Variants in PIP5K1B observed in about 807,000 individuals in gnomAD.
The protein encoded by PIP5K1B is phosphatidylinositol-4-phosphate 5-kinase type 1 beta, also known as phosphatidylinositol 4-phosphate 5-kinase type-1 beta.
In PIP5K1B, 42 loss-of-function variants were observed where a neutral mutation model predicts 67.0. That is an observed-to-expected ratio of 0.63 (90% CI 0.49 to 0.81). The LOEUF is 0.81. PIP5K1B is among the 30% of genes least tolerant of loss of function. PIP5K1B has a pLI of 0.00. For missense variants in PIP5K1B, 459 were observed against 646.3 expected (o/e 0.71, Z 3.14); for synonymous variants, 214 against 231.4 (o/e 0.92, Z 0.68).
intron 2 of PIP5K1B, among the ~76,000 whole-genome samples, chr9:68,760,253 C>A (rs1336491): frequency 1 from 151,545 of 152,196 alleles, 75,450 homozygotes; most frequent in Middle Eastern, 1. Flanking sequence ...AAATCAATAA[C>A]AACTACTCTA....
chr9:68,831,310 A>G (rs1012672668), intron 4 of PIP5K1B, among the ~76,000 whole-genome samples: 5 of 152,268 alleles, frequency 3.3e-5, no homozygotes, highest in African/African-American at 7.2e-5. Context: ...TAGAGTTAAC[A>G]TAAGTGCTTA....
Position 68,822,773 on chromosome 9 carries a change from T to C in PIP5K1B, c.69+90T>C, listed in dbSNP as rs1833794773. ...AAAGGCCTTTCCTTCTCCCAAGCAG[T>C]TGTAAGTTACTATCTTAGTTTCCAG... On this transcript the variant is annotated intron_variant, in intron 4 of 15. Coordinates refer to ENST00000265382, the MANE Select transcript of PIP5K1B (RefSeq NM_003558.4). 1.0e-5 allele frequency: 9 copies of C among 890,264 alleles called. No homozygotes were observed. The South Asian group carries it at 1.2e-4, about 12-fold the overall frequency. The allele number at this position is 890,264 out of a possible 1,614,324, so 55.1% of individuals were successfully genotyped here.
chr9:68,945,874 G>A (rs918738601), intron 14 of PIP5K1B, among the ~76,000 whole-genome samples: 4 of 152,148 alleles, frequency 2.6e-5, no homozygotes, highest in African/African-American at 9.7e-5. Flanking sequence ...ACAAGTTCTC[G>A]TCTTCATCTT....
At chr9:68,711,932 C>A (rs538845393) in intron 1 of PIP5K1B, among the ~76,000 whole-genome samples, 3 of 152,178 alleles carry the variant, frequency 2.0e-5, no homozygotes, top group African/African-American at 4.8e-5. Flanking sequence ...CTCCTCCTGG[C>A]GACTTTTCTG....
chr9:68,996,665 C>T (rs991864867), intron 15 of PIP5K1B, among the ~76,000 whole-genome samples: 5 of 152,292 alleles, frequency 3.3e-5, no homozygotes, highest in African/African-American at 7.2e-5. Context: ...GTTTCTAAGG[C>T]GGCTTCTTTG....
chr9:68,970,569 C>A (rs1829305469), intron 14 of PIP5K1B, among the ~76,000 whole-genome samples: 1 of 152,224 alleles, frequency 6.6e-6, no homozygotes, highest in Non-Finnish European at 1.5e-5. Flanking sequence ...CAACTGTGAA[C>A]TTTATTCCCT....
At chr9:68,979,982 G>A (rs973529316) in intron 14 of PIP5K1B, among the ~76,000 whole-genome samples, 1 of 152,232 alleles carries the variant, frequency 6.6e-6, no homozygotes, top group African/African-American at 2.4e-5. Context: ...TCTGGGTGCA[G>A]TGACTGTGGT....
intron 4 of PIP5K1B, among the ~76,000 whole-genome samples, chr9:68,836,399 A>G (rs908899770): frequency 6.6e-6 from 1 of 152,210 alleles, no homozygotes; most frequent in Non-Finnish European, 1.5e-5. Flanking sequence ...TTCATTTGAG[A>G]ACAAAATCAA....
chr9:68,891,442 G>GTT (rs1169735410), intron 7 of PIP5K1B, among the ~76,000 whole-genome samples: 8 of 144,462 alleles, frequency 5.5e-5, no homozygotes, highest in Non-Finnish European at 1.5e-5. Flanking sequence ...TGGCAGGGGA[G>GTT]TTTTTTTTTT....
chr9:68,910,334 G>A (rs1825793953), intron 8 of PIP5K1B, among the ~76,000 whole-genome samples: 1 of 152,178 alleles, frequency 6.6e-6, no homozygotes. Flanking sequence ...TGAAAGCACT[G>A]TAGGCTTTTA....
intron 2 of PIP5K1B, among the ~76,000 whole-genome samples, chr9:68,779,421 C>CATCCT (rs1272014343): frequency 1.3e-5 from 2 of 152,180 alleles, no homozygotes; most frequent in African/African-American, 4.8e-5. Flanking sequence ...TGCAAATGAC[C>CATCCT]ATCCTCTCTG....
intron 14 of PIP5K1B, among the ~76,000 whole-genome samples, chr9:68,980,124 G>C (rs117696886): frequency 6.6e-6 from 1 of 152,316 alleles, no homozygotes; most frequent in Non-Finnish European, 1.5e-5. Context: ...CGCTGATACT[G>C]TCCAGGCTGC....
At chr9:68,971,782 A>G (rs542955652) in intron 14 of PIP5K1B, among the ~76,000 whole-genome samples, 134 of 152,300 alleles carry the variant, frequency 8.8e-4, no homozygotes, top group Admixed American at 6.5e-4. Flanking sequence ...GGCTGCATAA[A>G]TGTCTTCTTT....
intron 1 of PIP5K1B, among the ~76,000 whole-genome samples, chr9:68,711,468 G>T (rs1405014246): frequency 6.6e-6 from 1 of 152,162 alleles, no homozygotes; most frequent in Non-Finnish European, 1.5e-5. Flanking sequence ...ATTTATATTT[G>T]TATTCTTGGA....
At chr9:68,767,688 G>C (rs960111902) in intron 2 of PIP5K1B, among the ~76,000 whole-genome samples, 3 of 151,670 alleles carry the variant, frequency 2.0e-5, no homozygotes, top group Non-Finnish European at 4.4e-5. Context: ...TTTAAGCTTG[G>C]CTCAATAATG....
At chr9:68,940,145 T>C (rs2132634207) in intron 13 of PIP5K1B, among the ~76,000 whole-genome samples, 1 of 152,294 alleles carries the variant, frequency 6.6e-6, no homozygotes, top group East Asian at 1.9e-4. Context: ...TGGGCTCAGA[T>C]GGGGTTAAGG....
In PIP5K1B at chr9:68,724,246, T is replaced by G. The variant is rs531150117; in HGVS notation, c.-242-18255T>G. ...TCTGTGTTTTTTTTGGGTTTTTTTT[T>G]TTTTGTTTTTTGTTTTAGCCAGTAC... On this transcript the variant is annotated intron_variant, in intron 1 of 15. Coordinates refer to ENST00000265382, the MANE Select transcript of PIP5K1B (RefSeq NM_003558.4). Among the ~76,000 whole-genome samples the G allele has an allele frequency of 3.1e-3, 468 of 151,752 alleles. 1 individual carries two copies. Among genetic ancestry groups the G allele is most frequent in the African/African-American group, 0.011 (448 of 41,454 alleles).
At chr9:68,791,790 AT>A (rs1230894493) in intron 2 of PIP5K1B, among the ~76,000 whole-genome samples, 2 of 152,224 alleles carry the variant, frequency 1.3e-5, no homozygotes, top group Admixed American at 6.5e-5. Context: ...TGCAACTGTA[AT>A]GGCTACCACA....
intron 10 of PIP5K1B, 22 bp downstream of exon 10, chr9:68,919,584 C>A: frequency 1.4e-6 from 2 of 1,442,158 alleles, no homozygotes; most frequent in South Asian, 1.2e-5. Flanking sequence ...GAGGAGTGGT[C>A]TTTTATTATT....
Sources: gnomAD v4.1 joint callset for allele counts (sites outside exome capture counted in the v4.1 genomes callset) on GRCh38, gnomAD v4.1.1 for gene constraint, MANE v1.5 for transcripts, NCBI Gene and HGNC (gene_info 2026-07-23, HGNC 2026-07-21) for gene names.